The following FGFR2 variants were observed in gnomAD, a reference collection of about 807,000 sequenced individuals.
FGFR2 encodes fibroblast growth factor receptor 2.
Under a neutral mutation model 95.9 loss-of-function variants are expected in FGFR2, and 19 were observed. The observed-to-expected ratio is 0.20, with a 90% CI of 0.14 to 0.29. FGFR2 has a LOEUF of 0.29. Ranked by LOEUF, FGFR2 falls within the 10% of genes least tolerant of loss-of-function variation. The pLI is 1.00. For missense variants in FGFR2, 707 were observed against 1,056.9 expected (o/e 0.67, Z 4.59); for synonymous variants, 392 against 393.3 (o/e 1.00, Z 0.04).
chr10:121,536,413 T>C (rs1852822577), intron 6 of FGFR2, among the ~76,000 whole-genome samples: 1 of 152,232 alleles, frequency 6.6e-6, no homozygotes, highest in Non-Finnish European at 1.5e-5. Flanking sequence ...GTGTCATTAT[T>C]GGCCCGTGTT....
intron 13 of FGFR2, among the ~76,000 whole-genome samples, 169 bp from the exon 14 acceptor site, chr10:121,488,282 T>C (rs980809816): frequency 2.0e-5 from 3 of 152,052 alleles, no homozygotes; most frequent in African/African-American, 7.2e-5. Flanking sequence ...GGCTCATGCC[T>C]GTAATACCAG....
At chr10:121,500,790 C>A (rs776956338) in intron 11 of FGFR2, 36 bp downstream of exon 11, 33 of 1,611,468 alleles carry the variant, frequency 2.0e-5, no homozygotes, top group Non-Finnish European at 2.5e-5. Context: ...GACTCTCCAC[C>A]CAGCCCCTCC....
At chr10:121,549,690 C>T (rs967504173) in intron 5 of FGFR2, among the ~76,000 whole-genome samples, 2 of 152,148 alleles carry the variant, frequency 1.3e-5, no homozygotes, top group Admixed American at 6.5e-5. Flanking sequence ...TGAAGAGGCC[C>T]GTGTGGCATG....
chr10:121,492,997 G>C (rs1479013585), intron 13 of FGFR2, among the ~76,000 whole-genome samples: 2 of 152,066 alleles, frequency 1.3e-5, no homozygotes, highest in African/African-American at 2.4e-5. Context: ...CCTAGGTCTG[G>C]GACCTGCCAC....
intron 17 of FGFR2, chr10:121,480,283 G>C (rs996218666): frequency 1.7e-5 from 9 of 529,276 alleles, no homozygotes; most frequent in Non-Finnish European, 3.1e-5. Flanking sequence ...GCTGTCCTTA[G>C]CTTTTCTCTT....
At chr10:121,507,501 T>C (rs1169442097) in intron 9 of FGFR2, among the ~76,000 whole-genome samples, 1 of 152,112 alleles carries the variant, frequency 6.6e-6, no homozygotes, top group Non-Finnish European at 1.5e-5. Flanking sequence ...GGCAGGAGAA[T>C]TGCTTGAACC....
intron 2 of FGFR2, among the ~76,000 whole-genome samples, chr10:121,576,044 G>C (rs558682547): frequency 6.8e-6 from 1 of 147,534 alleles, no homozygotes; most frequent in Non-Finnish European, 1.5e-5. Flanking sequence ...AAAATTAGCC[G>C]GGCGTGGTGG....
chr10:121,559,955 C>T lies in FGFR2; in HGVS notation c.454+4547G>A, dbSNP rs530770408. Among the ~76,000 whole-genome samples, 23 of 152,242 alleles carry T rather than the reference C, an allele frequency of 1.5e-4. No individual in the cohort carries two copies. The South Asian group carries it at 4.4e-3, about 29-fold the overall frequency. The stretch of plus-strand genomic sequence containing the variant: ...GGTAACCTGCTATTAGGCAGGTAGC[C>T]GACAACCAGGACAACGCAGTTCCCC... On this transcript the variant is annotated intron_variant, in intron 4 of 17. Coordinates refer to ENST00000358487, the MANE Select transcript of FGFR2 (RefSeq NM_000141.5).
chr10:121,491,157 T>C (rs1846077535), intron 13 of FGFR2, among the ~76,000 whole-genome samples: 1 of 152,180 alleles, frequency 6.6e-6, no homozygotes, highest in South Asian at 2.1e-4. Context: ...ACAGAGACAC[T>C]GCTGACGGCT....
chr10:121,532,350 C>G (rs1852200727), intron 6 of FGFR2, among the ~76,000 whole-genome samples: 1 of 152,190 alleles, frequency 6.6e-6, no homozygotes, highest in Non-Finnish European at 1.5e-5. Flanking sequence ...GCCACCACAG[C>G]CACTCCTTAT....
chr10:121,552,679 C>A (rs1855568753), intron 4 of FGFR2, among the ~76,000 whole-genome samples: 1 of 152,200 alleles, frequency 6.6e-6, no homozygotes, highest in South Asian at 2.1e-4. Flanking sequence ...CAGCCTGGGT[C>A]AAGGCACACG....
intron 5 of FGFR2, among the ~76,000 whole-genome samples, chr10:121,541,603 A>C (rs980297924): frequency 1.3e-5 from 2 of 152,206 alleles, no homozygotes; most frequent in African/African-American, 4.8e-5. Flanking sequence ...AAATGCACAT[A>C]CACCGTCTTT....
Position 121,483,861 on chromosome 10 carries a change from T to C in FGFR2, c.2196-58A>G, listed in dbSNP as rs533208562. On this transcript the variant is annotated intron_variant, in intron 16 of 17. Transcript: ENST00000358487. The stretch of plus-strand genomic sequence containing the variant: ...ATATGCACTGGGTACGTGGTTATAG[T>C]CAGTTTTAATAGGCAATATGGGGAC... 3.9e-6 allele frequency: 5 copies of C among 1,298,634 alleles called. No individual in the cohort carries two copies. The African/African-American group carries it at 4.4e-5, about 11-fold the overall frequency. The allele number at this position is 1,298,634 out of a possible 1,614,324, so 80.4% of individuals were successfully genotyped here.
chr10:121,488,116 G>A lies in FGFR2; in HGVS notation c.1864-3C>T, dbSNP rs1279598938. 1 of 1,613,776 alleles carries A rather than the reference G, an allele frequency of 6.2e-7. No individual in the cohort carries two copies. The highest frequency in any genetic ancestry group is 8.5e-7 in the Non-Finnish European group (1 of 1,180,008). ...GCTGCTAAATCTCGATGAATACACT[G>A]AAATCAAGAAAGAAGCAAGAGAAAT... On this transcript the variant is annotated splice_polypyrimidine_tract_variant and splice_region_variant and intron_variant, in intron 13 of 17. Transcript: ENST00000358487.
chr10:121,553,901 G>A (rs972649777), intron 4 of FGFR2, among the ~76,000 whole-genome samples: 1 of 152,194 alleles, frequency 6.6e-6, no homozygotes, highest in African/African-American at 2.4e-5. Flanking sequence ...AACAGCCCAG[G>A]GACCGGCCCA....
chr10:121,514,936 C>T (rs975579214), intron 9 of FGFR2, among the ~76,000 whole-genome samples, 181 bp downstream of exon 9: 3 of 152,174 alleles, frequency 2.0e-5, no homozygotes, highest in East Asian at 1.9e-4. Context: ...ATCCAAGCAA[C>T]GCACCATGAC....
At chr10:121,486,617 G>T (rs1381780245) in intron 15 of FGFR2, among the ~76,000 whole-genome samples, 2 of 152,054 alleles carry the variant, frequency 1.3e-5, no homozygotes, top group African/African-American at 4.8e-5. Context: ...AATTTTTGTA[G>T]TTTTAGTAGA....
intron 17 of FGFR2, among the ~76,000 whole-genome samples, 161 bp downstream of exon 17, chr10:121,483,537 A>C (rs1845029574): frequency 6.6e-6 from 1 of 152,170 alleles, no homozygotes; most frequent in Admixed American, 6.6e-5. Flanking sequence ...AAAAATCATG[A>C]TTTGAGAGGA....
intron 9 of FGFR2, among the ~76,000 whole-genome samples, chr10:121,509,891 T>C (rs1848833330): frequency 6.6e-6 from 1 of 151,924 alleles, no homozygotes; most frequent in Non-Finnish European, 1.5e-5. Flanking sequence ...GACGAATTAA[T>C]ATTTGTGTGT....
Sources: allele counts gnomAD v4.1 joint callset (sites outside exome capture counted in the v4.1 genomes callset), GRCh38; gene constraint gnomAD v4.1.1; transcripts MANE v1.5; gene names NCBI Gene and HGNC (gene_info 2026-07-23, HGNC 2026-07-21).